CTNNA1: variants seen among roughly 807,000 people sequenced by gnomAD.
CTNNA1 encodes catenin alpha 1.
In CTNNA1, 37 loss-of-function variants were observed where a neutral mutation model predicts 98.4. The ratio of observed to expected loss-of-function variants is 0.38; its 90% confidence interval spans 0.29 to 0.49. The LOEUF is 0.49. Among genes scored for constraint, CTNNA1 ranks in the 20% least tolerant of loss-of-function variants. The pLI is 0.95. For missense variants in CTNNA1, 761 were observed against 1,147.2 expected (o/e 0.66, Z 4.86); for synonymous variants, 404 against 413.2 (o/e 0.98, Z 0.27).
chr5:138,852,310 A>G (rs1377611916), intron 7 of CTNNA1, among the ~76,000 whole-genome samples: 2 of 151,900 alleles, frequency 1.3e-5, no homozygotes, highest in Non-Finnish European at 2.9e-5. Flanking sequence ...TTCCTTCCAT[A>G]TTGACATTTT....
chr5:138,757,360 A>G (rs1360932087), intron 1 of CTNNA1, among the ~76,000 whole-genome samples: 1 of 152,164 alleles, frequency 6.6e-6, no homozygotes, highest in East Asian at 1.9e-4. Context: ...GATCGTGAAT[A>G]TATGTAATGC....
At chr5:138,856,041 T>C (rs1763693736) in intron 7 of CTNNA1, among the ~76,000 whole-genome samples, 1 of 152,232 alleles carries the variant, frequency 6.6e-6, no homozygotes, top group African/African-American at 2.4e-5. Flanking sequence ...ATCCTGAAAC[T>C]TGTTGATACA....
At chr5:138,802,145 G>A (rs1757642288) in intron 3 of CTNNA1, among the ~76,000 whole-genome samples, 1 of 152,176 alleles carries the variant, frequency 6.6e-6, no homozygotes. Flanking sequence ...TAAATGACAA[G>A]AAGAAGGCAG....
intron 7 of CTNNA1, chr5:138,880,987 A>T (rs1202125460): frequency 1.3e-5 from 6 of 447,078 alleles, no homozygotes; most frequent in Non-Finnish European, 2.7e-5. Context: ...AAGAAAATTC[A>T]TAAAAATTTG....
intron 3 of CTNNA1, among the ~76,000 whole-genome samples, chr5:138,798,531 C>T (rs1281824153): frequency 6.6e-6 from 1 of 152,190 alleles, no homozygotes; most frequent in East Asian, 1.9e-4. Flanking sequence ...CCAAGCCTAT[C>T]CTTTCCCCGT....
chr5:138,850,499 A>G (rs189727677), intron 7 of CTNNA1, among the ~76,000 whole-genome samples: 12 of 152,340 alleles, frequency 7.9e-5, no homozygotes, highest in Non-Finnish European at 1.6e-4. Flanking sequence ...AATTAATACT[A>G]ATAATAGTAC....
intron 3 of CTNNA1, among the ~76,000 whole-genome samples, chr5:138,806,486 CT>C (rs1758097485): frequency 1.3e-5 from 2 of 152,048 alleles, no homozygotes; most frequent in South Asian, 4.2e-4. Flanking sequence ...GTGATCAGAT[CT>C]TTTGACCCCT....
At chr5:138,761,761 T>C (rs2149580128) in intron 1 of CTNNA1, among the ~76,000 whole-genome samples, 1 of 152,208 alleles carries the variant, frequency 6.6e-6, no homozygotes, top group East Asian at 1.9e-4. Flanking sequence ...TTGAGGTCTT[T>C]TTGTTGTTGT....
intron 3 of CTNNA1, among the ~76,000 whole-genome samples, chr5:138,802,037 G>A (rs1354855462): frequency 1.3e-5 from 2 of 152,112 alleles, no homozygotes; most frequent in East Asian, 1.9e-4. Context: ...ACAAATAAGC[G>A]TAGATATTGG....
chr5:138,920,623 C>T (rs938818428), intron 11 of CTNNA1, among the ~76,000 whole-genome samples: 1 of 152,202 alleles, frequency 6.6e-6, no homozygotes, highest in Non-Finnish European at 1.5e-5. Flanking sequence ...TCTACTGTCT[C>T]CTGGGGCTTG....
chr5:138,764,320 C>A (rs183485511), intron 1 of CTNNA1, among the ~76,000 whole-genome samples: 1 of 151,492 alleles, frequency 6.6e-6, no homozygotes, highest in Admixed American at 6.6e-5. Flanking sequence ...GAGCTGAGAT[C>A]GTGCCATTGC....
chr5:138,905,111 A>ATACATACATACATACATAC (rs534764046), intron 10 of CTNNA1, among the ~76,000 whole-genome samples: 16 of 139,268 alleles, frequency 1.1e-4, no homozygotes, highest in Non-Finnish European at 2.1e-4. Context: ...AAAAAAAAAA[A>ATACATACATACATACATAC]ATACATACAT....
chr5:138,769,246 G>A (rs1195114570), intron 1 of CTNNA1, among the ~76,000 whole-genome samples: 1 of 151,908 alleles, frequency 6.6e-6, no homozygotes, highest in Non-Finnish European at 1.5e-5. Flanking sequence ...GTCAAGTCCA[G>A]GCATCTTTTT....
intron 10 of CTNNA1, among the ~76,000 whole-genome samples, chr5:138,914,897 C>T (rs1761400808): frequency 6.6e-6 from 1 of 152,068 alleles, no homozygotes; most frequent in East Asian, 1.9e-4. Flanking sequence ...CCTGTAATCC[C>T]AGCACTTTGG....
At chr5:138,833,881 A>G (rs1466637060) in intron 7 of CTNNA1, among the ~76,000 whole-genome samples, 1 of 152,198 alleles carries the variant, frequency 6.6e-6, no homozygotes, top group Non-Finnish European at 1.5e-5. Context: ...AACGTTGGAC[A>G]TAGTAGTTGT....
intron 7 of CTNNA1, among the ~76,000 whole-genome samples, chr5:138,830,656 C>G (rs1761187034): frequency 1.3e-5 from 2 of 152,186 alleles, no homozygotes. Flanking sequence ...TTTAGAACCT[C>G]TAGTGAGTGT....
intron 1 of CTNNA1, among the ~76,000 whole-genome samples, chr5:138,775,077 A>G (rs967030313): frequency 6.6e-6 from 1 of 152,170 alleles, no homozygotes; most frequent in Admixed American, 6.5e-5. Context: ...ATTAAACACA[A>G]ATGTGACCAC....
chr5:138,873,525 G>T lies in CTNNA1; in HGVS notation c.1063-12687G>T. The T allele has an allele frequency of 6.2e-7, 1 of 1,613,956 alleles. No homozygotes were observed. Among genetic ancestry groups the T allele is most frequent in the Non-Finnish European group, 8.5e-7 (1 of 1,179,864 alleles). On this transcript the variant is annotated intron_variant, in intron 7 of 17. Coordinates refer to ENST00000302763, the MANE Select transcript of CTNNA1 (RefSeq NM_001903.5). This position sits in a 1 kb window ranked among gnomAD's most constrained non-coding sequence, Gnocchi z 6.1. ...ACTGCATCTAGAATATCCTCTCCTT[G>T]GGTGTGGTCAGGACTGTGGCATAGG...
At chr5:138,800,509 A>C (rs543268315) in intron 3 of CTNNA1, among the ~76,000 whole-genome samples, 1 of 152,292 alleles carries the variant, frequency 6.6e-6, no homozygotes, top group African/African-American at 2.4e-5. Flanking sequence ...AAAGTGCAGC[A>C]GAAGGCCAGG....
Sources: gnomAD v4.1 joint callset for allele counts (sites outside exome capture counted in the v4.1 genomes callset) on GRCh38, gnomAD v4.1.1 for gene constraint, Gnocchi (gnomAD v3.1) non-coding constraint, MANE v1.5 for transcripts, NCBI Gene and HGNC (gene_info 2026-07-23, HGNC 2026-07-21) for gene names.